The following SUPT3H variants were observed in gnomAD, a reference collection of about 807,000 sequenced individuals.
The protein encoded by SUPT3H is transcription initiation protein SPT3 homolog.
In SUPT3H, 44 loss-of-function variants were observed where a neutral mutation model predicts 44.3. The observed-to-expected ratio is 0.99, with a 90% CI of 0.78 to 1.28. SUPT3H has a LOEUF of 1.28. Ranked by LOEUF, SUPT3H falls within the 50% of genes most tolerant of loss-of-function variation. The probability of loss-of-function intolerance (pLI) is 0.00; values close to 1 mark genes in which losing one functional copy is unlikely to be tolerated. For missense variants in SUPT3H, 380 were observed against 387.1 expected (o/e 0.98, Z 0.15); for synonymous variants, 124 against 125.6 (o/e 0.99, Z 0.09).
chr6:45,228,133 T>C (rs1407020197), intron 2 of SUPT3H, among the ~76,000 whole-genome samples: 1 of 152,200 alleles, frequency 6.6e-6, no homozygotes, highest in African/African-American at 2.4e-5. Context: ...AAGCCAAAAA[T>C]GTCTGCTTTT....
At chr6:45,134,551 A>G (rs1322808514) in intron 2 of SUPT3H, among the ~76,000 whole-genome samples, 3 of 152,214 alleles carry the variant, frequency 2.0e-5, no homozygotes, top group Non-Finnish European at 4.4e-5. Flanking sequence ...GACTCAAGGC[A>G]TGATACATAC....
At chr6:45,051,178 T>G (rs1276226678) in intron 3 of SUPT3H, among the ~76,000 whole-genome samples, 2 of 152,170 alleles carry the variant, frequency 1.3e-5, no homozygotes, top group Non-Finnish European at 2.9e-5. Context: ...CGTGAGCCAC[T>G]GCGCCCAGCC....
At chr6:44,819,728 A>C (rs1767156284) in intron 11 of SUPT3H, among the ~76,000 whole-genome samples, 1 of 150,632 alleles carries the variant, frequency 6.6e-6, no homozygotes, top group African/African-American at 2.4e-5. Context: ...AGGAGCTGTG[A>C]TCATGCCAGT....
chr6:45,054,059 G>C (rs1372561110), intron 3 of SUPT3H, among the ~76,000 whole-genome samples: 2 of 151,964 alleles, frequency 1.3e-5, no homozygotes, highest in Admixed American at 6.6e-5. Flanking sequence ...AACAGGACTT[G>C]CTAAGTTCCC....
chr6:44,826,582 G>T (rs1300306663), downstream of SUPT3H, among the ~76,000 whole-genome samples: 1 of 152,148 alleles, frequency 6.6e-6, no homozygotes, highest in Non-Finnish European at 1.5e-5. Context: ...AATTCCAGGG[G>T]GGCAGATGAG....
intron 2 of SUPT3H, among the ~76,000 whole-genome samples, chr6:45,280,986 G>C (rs530494790): frequency 3.3e-5 from 5 of 152,194 alleles, no homozygotes; most frequent in African/African-American, 1.2e-4. Context: ...ACTGCACTTC[G>C]ATGTAACCAG....
At chr6:45,054,114 T>A (rs924378256) in intron 3 of SUPT3H, among the ~76,000 whole-genome samples, 1 of 152,090 alleles carries the variant, frequency 6.6e-6, no homozygotes, top group African/African-American at 2.4e-5. Context: ...TAAATTTGCA[T>A]GCCTTTCTAT....
chr6:45,013,117 A>T (rs1783739771), intron 5 of SUPT3H, among the ~76,000 whole-genome samples: 1 of 152,130 alleles, frequency 6.6e-6, no homozygotes, highest in Non-Finnish European at 1.5e-5. Context: ...AAATTGCTCC[A>T]GAGATTGATT....
intron 2 of SUPT3H, among the ~76,000 whole-genome samples, chr6:45,106,605 C>T (rs1265333263): frequency 2.0e-5 from 3 of 151,974 alleles, no homozygotes; most frequent in Non-Finnish European, 2.9e-5. Flanking sequence ...GGCACAATCT[C>T]GGCTCACTGC....
chr6:44,959,315 C>T (rs1236134917), intron 7 of SUPT3H, among the ~76,000 whole-genome samples: 1 of 151,868 alleles, frequency 6.6e-6, no homozygotes, highest in African/African-American at 2.4e-5. Flanking sequence ...GAAGAAAACC[C>T]AATCAATCTA....
intron 10 of SUPT3H, among the ~76,000 whole-genome samples, chr6:44,893,865 A>G (rs1220110029): frequency 9.0e-4 from 127 of 141,200 alleles, no homozygotes; most frequent in Non-Finnish European, 1.6e-3. Context: ...CTATTTCTCC[A>G]CATCCTCTCC....
intron 2 of SUPT3H, among the ~76,000 whole-genome samples, chr6:45,309,529 C>A (rs531285987): frequency 6.6e-6 from 1 of 150,918 alleles, no homozygotes; most frequent in Non-Finnish European, 1.5e-5. Flanking sequence ...GCAAATATTT[C>A]GGTCATAGGA....
At chr6:45,147,261 G>A (rs1206007365) in intron 2 of SUPT3H, among the ~76,000 whole-genome samples, 3 of 151,846 alleles carry the variant, frequency 2.0e-5, no homozygotes, top group Non-Finnish European at 4.4e-5. Context: ...CGTTGTCCTC[G>A]TTTTAGAAAA....
At chr6:45,008,739 C>T (rs1447102610) in intron 5 of SUPT3H, among the ~76,000 whole-genome samples, 3 of 151,486 alleles carry the variant, frequency 2.0e-5, no homozygotes, top group Non-Finnish European at 4.4e-5. Context: ...TCTCTGATGG[C>T]TAATGACTTT....
chr6:44,890,112 C>T (rs576735038), intron 10 of SUPT3H, among the ~76,000 whole-genome samples: 11 of 147,284 alleles, frequency 7.5e-5, no homozygotes, highest in African/African-American at 1.2e-4. Flanking sequence ...GGAAGCAACA[C>T]GTGCTGGAGA....
chr6:44,909,136 T>C (rs1053915540), intron 10 of SUPT3H, among the ~76,000 whole-genome samples: 22 of 87,814 alleles, frequency 2.5e-4, no homozygotes, highest in African/African-American at 8.3e-4. Context: ...TGTGTGTGTG[T>C]GTGTGCGTGT....
chr6:45,016,558 T>C (rs1784314534), intron 4 of SUPT3H, among the ~76,000 whole-genome samples: 2 of 142,646 alleles, frequency 1.4e-5, no homozygotes, highest in Admixed American at 7.5e-5. Context: ...GTGTTCTCAT[T>C]GTTGAACTCC....
At chr6:45,149,763 TA>T (rs927788980) in intron 2 of SUPT3H, among the ~76,000 whole-genome samples, 4 of 152,108 alleles carry the variant, frequency 2.6e-5, no homozygotes, top group Non-Finnish European at 4.4e-5. Flanking sequence ...AAAAAAACTT[TA>T]AAAAAAATTC....
chr6:45,296,674 G>A (rs985828535), intron 2 of SUPT3H, among the ~76,000 whole-genome samples: 11 of 145,982 alleles, frequency 7.5e-5, no homozygotes, highest in African/African-American at 5.1e-5. Context: ...GGGACACGGA[G>A]GTTGCAGTGA....
Sources: gnomAD v4.1 joint callset for allele counts (sites outside exome capture counted in the v4.1 genomes callset) on GRCh38, gnomAD v4.1.1 for gene constraint, MANE v1.5 for transcripts, NCBI Gene and HGNC (gene_info 2026-07-23, HGNC 2026-07-21) for gene names.